RERE: variants seen among roughly 807,000 people sequenced by gnomAD.
RERE encodes arginine-glutamic acid dipeptide repeats protein.
RERE carries 40 observed loss-of-function variants against 146.1 expected under a neutral mutation model. The ratio of observed to expected loss-of-function variants is 0.27; its 90% CI spans 0.21 to 0.36. RERE has a LOEUF of 0.36. RERE is among the 10% of genes least tolerant of loss of function. The probability of loss-of-function intolerance (pLI) is 1.00; values close to 1 mark genes in which losing one functional copy is unlikely to be tolerated. For synonymous variants in RERE, 1,003 were observed against 866.0 expected, an observed-to-expected ratio of 1.16 and a Z score of -2.78; for missense variants, 1,933 against 2,138.7, an observed-to-expected ratio of 0.90 and a Z score of 1.90.
At chr1:8,788,429 A>C (rs1038151219) in intron 1 of RERE, among the ~76,000 whole-genome samples, 1 of 141,296 alleles carries the variant, frequency 7.1e-6, no homozygotes, top group African/African-American at 2.7e-5. Context: ...CAGTGGCGCG[A>C]TCTCGGCTCA....
intron 10 of RERE, among the ~76,000 whole-genome samples, chr1:8,475,577 G>A (rs1417118274): frequency 1.3e-5 from 2 of 151,564 alleles, no homozygotes; most frequent in Non-Finnish European, 2.9e-5. Flanking sequence ...AGCTACTCAG[G>A]AGGCTGAGGC....
intron 4 of RERE, among the ~76,000 whole-genome samples, chr1:8,579,009 C>T (rs899585567): frequency 2.0e-5 from 3 of 152,186 alleles, no homozygotes; most frequent in African/African-American, 7.2e-5. Flanking sequence ...ATTAATTTCC[C>T]AGTTTTTAAG....
intron 10 of RERE, among the ~76,000 whole-genome samples, chr1:8,468,713 A>G (rs1454703527): frequency 6.6e-6 from 1 of 152,134 alleles, no homozygotes; most frequent in Non-Finnish European, 1.5e-5. Context: ...GTGAGACCTC[A>G]TCTCTACTAA....
chr1:8,393,215 T>C (rs927970442), intron 12 of RERE, among the ~76,000 whole-genome samples: 1 of 152,218 alleles, frequency 6.6e-6, no homozygotes, highest in Non-Finnish European at 1.5e-5. Context: ...GATGTTTCTG[T>C]GAATTTTTTA....
chr1:8,361,196 T>A lies in RERE; in HGVS notation c.2311A>T (p.Thr771Ser). The A allele has an allele frequency of 6.7e-7, 1 of 1,483,688 alleles. No individual in the cohort carries two copies. Among genetic ancestry groups the A allele is most frequent in the African/African-American group, 1.4e-5 (1 of 71,232 alleles). The allele number at this position is 1,483,688 out of a possible 1,614,324, so 91.9% of individuals were successfully genotyped here. A position where few individuals can be genotyped will look rare whatever the true frequency, so the allele number is the denominator to read the frequency against. ...GGGGAGCCCTGTGGGGGAACTGCAGTGGCAGAGGGCGTGGGCCCTGGCGTG... is the reference window on the plus strand; with the variant it reads ...GGGGAGCCCTGTGGGGGAACTGCAGAGGCAGAGGGCGTGGGCCCTGGCGTG... ...LPTPGPTPSA[T>S]AVPPQGSPTA... The change falls in exon 18 of 23, where the codon ACT becomes TCT. Residue 771 changes from threonine to serine, a missense_variant. Thr to Ser is a moderately conservative substitution (Grantham distance 58). Transcript: ENST00000400908.
intron 1 of RERE, among the ~76,000 whole-genome samples, chr1:8,813,959 C>T (rs1462121124): frequency 2.6e-5 from 4 of 152,104 alleles, no homozygotes; most frequent in African/African-American, 4.8e-5. Flanking sequence ...ACCAGTAAAT[C>T]AAAGTTGAAA....
At chr1:8,615,521 C>T (rs1451361640) in intron 3 of RERE, among the ~76,000 whole-genome samples, 1 of 152,070 alleles carries the variant, frequency 6.6e-6, no homozygotes, top group Non-Finnish European at 1.5e-5. Flanking sequence ...TTTTAGACAG[C>T]ACATAACATT....
At chr1:8,487,526 C>A (rs1398271239) in intron 10 of RERE, among the ~76,000 whole-genome samples, 1 of 152,094 alleles carries the variant, frequency 6.6e-6, no homozygotes, top group African/African-American at 2.4e-5. Context: ...TGCAGTGATT[C>A]AAGATTGCTA....
intron 1 of RERE, among the ~76,000 whole-genome samples, chr1:8,669,646 T>A (rs922137098): frequency 2.6e-5 from 4 of 152,194 alleles, no homozygotes; most frequent in Admixed American, 2.6e-4. Flanking sequence ...TAGTAGAGTT[T>A]TATTTCACGT....
chr1:8,559,070 G>T (rs1325750942), intron 4 of RERE, among the ~76,000 whole-genome samples: 1 of 150,966 alleles, frequency 6.6e-6, no homozygotes, highest in South Asian at 2.1e-4. Context: ...AATCTGCTGG[G>T]ATTTCAAGCA....
rs758262757 is a variant in RERE at position 8,360,288 on chromosome 1, C to T, written c.3219G>A (p.Ala1073=). 142 of 1,558,096 alleles carry T rather than the reference C, an allele frequency of 9.1e-5. No individual in the cohort carries two copies. Among genetic ancestry groups the T allele is most frequent in the Admixed American group, 1.7e-4 (9 of 53,490 alleles). ...CCGCTATGCTGCCTCCTGAAGCCGC[C>T]GCACCAGAGCAGGGTGGCTGGGCCG... The part of the protein sequence containing the change: ...GTSAQPPCSG[A]AASGGSIAGG... Residue 1073 remains alanine, a synonymous_variant, in exon 18 of 23, where the codon GCG becomes GCA. Transcript: ENST00000400908.
At chr1:8,420,551 G>A (rs1255328460) in intron 12 of RERE, among the ~76,000 whole-genome samples, 1 of 152,128 alleles carries the variant, frequency 6.6e-6, no homozygotes, top group African/African-American at 2.4e-5. Context: ...GCCTCTCCCA[G>A]CTCATTATAA....
At chr1:8,742,648 C>A (rs573057095) in intron 1 of RERE, among the ~76,000 whole-genome samples, 17 of 152,224 alleles carry the variant, frequency 1.1e-4, no homozygotes, top group Non-Finnish European at 2.1e-4. Flanking sequence ...TGGCAAAACC[C>A]TGTCTCTACA....
intron 4 of RERE, among the ~76,000 whole-genome samples, chr1:8,575,559 ATATTT>A (rs1446345381): frequency 2.1e-4 from 14 of 66,024 alleles, no homozygotes; most frequent in African/African-American, 5.9e-4. Flanking sequence ...ATATATATAT[ATATTT>A]TTTTTTTTTT....
intron 20 of RERE, among the ~76,000 whole-genome samples, chr1:8,357,854 C>T (rs548397993): frequency 2.6e-5 from 4 of 152,374 alleles, no homozygotes; most frequent in East Asian, 3.9e-4. Flanking sequence ...TCTGTACGTT[C>T]CTTGGCTCCA....
At chr1:8,719,413 T>C (rs1224003924) in intron 1 of RERE, among the ~76,000 whole-genome samples, 1 of 152,146 alleles carries the variant, frequency 6.6e-6, no homozygotes, top group Non-Finnish European at 1.5e-5. Context: ...CTTAAGGTAA[T>C]TATTAAATAT....
intron 11 of RERE, among the ~76,000 whole-genome samples, chr1:8,452,286 A>G (rs1043593052): frequency 6.6e-6 from 1 of 152,140 alleles, no homozygotes; most frequent in Non-Finnish European, 1.5e-5. Flanking sequence ...CAAATTTTCA[A>G]TTGTGTGGCT....
chr1:8,778,624 C>A (rs534895256), intron 1 of RERE, among the ~76,000 whole-genome samples: 146 of 152,136 alleles, frequency 9.6e-4, no homozygotes, highest in Non-Finnish European at 1.7e-3. Context: ...ATCACTTGAG[C>A]CCAGGAGTTC....
chr1:8,357,337 G>A (rs897094660), intron 20 of RERE, among the ~76,000 whole-genome samples: 8 of 152,246 alleles, frequency 5.3e-5, no homozygotes, highest in African/African-American at 1.7e-4. Context: ...CAGATATGAG[G>A]ACGGCAATGG....
Sources: allele counts gnomAD v4.1 joint callset (sites outside exome capture counted in the v4.1 genomes callset), GRCh38; gene constraint gnomAD v4.1.1; transcripts MANE v1.5; gene names NCBI Gene and HGNC (gene_info 2026-07-23, HGNC 2026-07-21).